The following SLC44A5 variants were observed in gnomAD, a reference collection of about 807,000 sequenced individuals.
SLC44A5 encodes the protein choline transporter-like protein 5.
Under a neutral mutation model 101.8 loss-of-function variants are expected in SLC44A5, and 57 were observed. The observed-to-expected ratio is 0.56, with a 90% CI of 0.45 to 0.70. The LOEUF (loss-of-function observed/expected upper bound fraction) is 0.70. Among genes scored for constraint, SLC44A5 ranks in the 30% least tolerant of loss-of-function variants. The pLI is 0.00. For synonymous variants in SLC44A5, 281 were observed against 290.9 expected, an observed-to-expected ratio of 0.97 and a Z score of 0.35; for missense variants, 737 against 853.1, an observed-to-expected ratio of 0.86 and a Z score of 1.70.
Position 75,251,301 on chromosome 1 carries a change from A to G in SLC44A5, c.261-7T>C. 3 of 1,606,266 alleles carry G rather than the reference A, an allele frequency of 1.9e-6. No homozygotes were observed. The highest frequency in any genetic ancestry group is 2.6e-6 in the Non-Finnish European group (3 of 1,173,872). On this transcript the variant is annotated splice_region_variant and splice_polypyrimidine_tract_variant and intron_variant, in intron 6 of 23. Coordinates refer to ENST00000370859, the MANE Select transcript of SLC44A5 (RefSeq NM_001130058.2). ...AAACAAAATGGTCTTGTTCCTGTTA[A>G]GAAAGAAAACATAATCTTTTTAGTG...
intron 3 of SLC44A5, among the ~76,000 whole-genome samples, chr1:75,344,116 C>T (rs546456610): frequency 4.6e-5 from 7 of 152,046 alleles, no homozygotes; most frequent in Non-Finnish European, 1.0e-4. Context: ...TTGGTGATGG[C>T]TAAAGGAGGC....
chr1:75,683,206 C>T, the SLC44A5 span, among the ~76,000 whole-genome samples: 3 of 151,122 alleles, frequency 2.0e-5, 1 homozygote, highest in East Asian at 3.9e-4. Context: ...GGCGATTCCT[C>T]TGGGATCTAG....
the SLC44A5 span, chr1:75,677,793 A>C: frequency 9.5e-6 from 4 of 420,642 alleles, no homozygotes; most frequent in Non-Finnish European, 1.9e-5. Flanking sequence ...TCCGGTCTAC[A>C]GCTCCCAGCC....
At chr1:75,511,162 A>G (rs1669554279) in intron 2 of SLC44A5, among the ~76,000 whole-genome samples, 1 of 152,210 alleles carries the variant, frequency 6.6e-6, no homozygotes, top group Non-Finnish European at 1.5e-5. Context: ...GAAAAGAAAA[A>G]GAAAAGAAAA....
the SLC44A5 span, among the ~76,000 whole-genome samples, chr1:75,679,734 A>C: frequency 6.6e-6 from 1 of 152,138 alleles, no homozygotes; most frequent in Non-Finnish European, 1.5e-5. Flanking sequence ...CTAACATCAT[A>C]ATGACAGGAT....
intron 2 of SLC44A5, among the ~76,000 whole-genome samples, chr1:75,451,813 A>T (rs543447743): frequency 1.3e-5 from 2 of 152,244 alleles, no homozygotes; most frequent in South Asian, 4.1e-4. Context: ...TTTTAAAAAA[A>T]ATTTTAAAAA....
chr1:75,292,744 G>A (rs565082460), intron 5 of SLC44A5, among the ~76,000 whole-genome samples: 1 of 152,184 alleles, frequency 6.6e-6, no homozygotes, highest in Non-Finnish European at 1.5e-5. Context: ...GCCCAACTCA[G>A]TGTGGAATTA....
intron 3 of SLC44A5, among the ~76,000 whole-genome samples, chr1:75,362,234 A>T (rs113617767): frequency 3.3e-5 from 5 of 151,460 alleles, no homozygotes; most frequent in African/African-American, 1.2e-4. Context: ...TTGTTTTTTT[A>T]AAAAAATGTT....
chr1:75,585,561 A>G (rs1250508564), intron 1 of SLC44A5, among the ~76,000 whole-genome samples: 2 of 152,170 alleles, frequency 1.3e-5, no homozygotes, highest in Non-Finnish European at 2.9e-5. Context: ...TTTAAACTTC[A>G]TGAGTATTTG....
intron 2 of SLC44A5, among the ~76,000 whole-genome samples, chr1:75,433,141 C>T (rs1194793408): frequency 1.3e-5 from 2 of 152,172 alleles, no homozygotes; most frequent in African/African-American, 4.8e-5. Context: ...ATAACTATCT[C>T]ATGTCTCCCC....
intron 5 of SLC44A5, among the ~76,000 whole-genome samples, chr1:75,285,929 T>C (rs986217983): frequency 6.6e-6 from 1 of 152,104 alleles, no homozygotes; most frequent in African/African-American, 2.4e-5. Context: ...TGCTGTGGAA[T>C]AGAACATATA....
At chr1:75,245,367 T>A (rs1167791330) in intron 7 of SLC44A5, among the ~76,000 whole-genome samples, 1 of 152,154 alleles carries the variant, frequency 6.6e-6, no homozygotes, top group Non-Finnish European at 1.5e-5. Flanking sequence ...CACACCCACA[T>A]CTTTTAGAAG....
At chr1:75,316,579 T>A (rs1406973241) in intron 4 of SLC44A5, among the ~76,000 whole-genome samples, 2 of 152,240 alleles carry the variant, frequency 1.3e-5, no homozygotes, top group African/African-American at 4.8e-5. Flanking sequence ...TGGAACTTAA[T>A]TAACTCTATA....
At chr1:75,685,688 A>C in the SLC44A5 span, among the ~76,000 whole-genome samples, 1 of 152,002 alleles carries the variant, frequency 6.6e-6, no homozygotes, top group African/African-American at 2.4e-5. Flanking sequence ...GGAAGTTCCA[A>C]ACTTTCCCAC....
chr1:75,223,471 T>C (rs1647131829), intron 13 of SLC44A5, among the ~76,000 whole-genome samples: 1 of 152,222 alleles, frequency 6.6e-6, no homozygotes, highest in Non-Finnish European at 1.5e-5. Context: ...AAATGTTTAA[T>C]AATTTTAAGA....
intron 6 of SLC44A5, among the ~76,000 whole-genome samples, chr1:75,251,613 C>T (rs540290669): frequency 6.6e-6 from 1 of 152,126 alleles, no homozygotes; most frequent in East Asian, 1.9e-4. Flanking sequence ...TACAATATGT[C>T]AATTTTAGGA....
At chr1:75,282,572 C>A (rs1282025634) in intron 5 of SLC44A5, among the ~76,000 whole-genome samples, 1 of 152,116 alleles carries the variant, frequency 6.6e-6, no homozygotes, top group Non-Finnish European at 1.5e-5. Context: ...ACCAAAATTT[C>A]ATCTTGAATT....
chr1:75,351,868 A>AAAAAAAAAAAAAAAAAGAGAG (rs1553165361), intron 3 of SLC44A5, among the ~76,000 whole-genome samples: 1 of 58,468 alleles, frequency 1.7e-5, no homozygotes, highest in Non-Finnish European at 3.7e-5. Context: ...AAAAAAAAAA[A>AAAAAAAAAAAAAAAAAGAGAG]AGAGAGAGAG....
At chr1:75,337,080 C>T (rs562942997) in intron 4 of SLC44A5, among the ~76,000 whole-genome samples, 4 of 152,270 alleles carry the variant, frequency 2.6e-5, no homozygotes, top group African/African-American at 9.6e-5. Flanking sequence ...CATATGCTGA[C>T]TGTTTTGTCT....
Sources: allele counts gnomAD v4.1 joint callset (sites outside exome capture counted in the v4.1 genomes callset), GRCh38; gene constraint gnomAD v4.1.1; transcripts MANE v1.5; gene names NCBI Gene and HGNC (gene_info 2026-07-23, HGNC 2026-07-21).